The following DCDC1 variants were observed in gnomAD, a reference collection of about 807,000 sequenced individuals.
The protein encoded by DCDC1 is doublecortin domain-containing protein 1.
DCDC1 carries 200 observed loss-of-function variants against 178.3 expected under a neutral mutation model. The ratio of observed to expected loss-of-function variants is 1.12; its 90% CI spans 1.00 to 1.26. The LOEUF is 1.26. DCDC1 is among the 50% of genes most tolerant of loss of function. The pLI is 0.00. For synonymous variants in DCDC1, 690 were observed against 604.8 expected, an observed-to-expected ratio of 1.14 and a Z score of -2.07; for missense variants, 1,983 against 1,749.2, an observed-to-expected ratio of 1.13 and a Z score of -2.38.
At chr11:30,908,837 C>T (rs1017131447) in intron 29 of DCDC1, 109 bp downstream of exon 29, 122 of 916,194 alleles carry the variant, frequency 1.3e-4, no homozygotes, top group Non-Finnish European at 1.7e-4. Context: ...AATCAGCATT[C>T]AACTTGTATG....
chr11:31,263,452 T>C (rs902219005), intron 8 of DCDC1, among the ~76,000 whole-genome samples: 1 of 152,126 alleles, frequency 6.6e-6, no homozygotes, highest in African/African-American at 2.4e-5. Flanking sequence ...TACAGGTAAA[T>C]AACCTTACCT....
intron 11 of DCDC1, among the ~76,000 whole-genome samples, chr11:31,112,059 A>AT (rs1478213977): frequency 6.6e-6 from 1 of 152,038 alleles, no homozygotes; most frequent in Non-Finnish European, 1.5e-5. Context: ...CTACAAGGGC[A>AT]TAAAAAAAAG....
At chr11:31,144,564 C>T (rs955116316) in intron 9 of DCDC1, among the ~76,000 whole-genome samples, 1 of 152,190 alleles carries the variant, frequency 6.6e-6, no homozygotes, top group African/African-American at 2.4e-5. Flanking sequence ...GTCCTTAAAT[C>T]CACTAATCTT....
chr11:30,954,242 C>T (rs894183156), intron 20 of DCDC1, among the ~76,000 whole-genome samples: 4 of 151,938 alleles, frequency 2.6e-5, no homozygotes, highest in Non-Finnish European at 5.9e-5. Context: ...GTCTCGATCT[C>T]CTGACCTCGT....
At chr11:30,921,584 CAA>C (rs1946252311) in intron 24 of DCDC1, among the ~76,000 whole-genome samples, 1 of 152,158 alleles carries the variant, frequency 6.6e-6, no homozygotes, top group East Asian at 1.9e-4. Flanking sequence ...CTTACTGTAT[CAA>C]GAGTTTAACT....
intron 35 of DCDC1, 121 bp from the exon 36 acceptor site, chr11:30,893,118 A>T: frequency 8.8e-7 from 1 of 1,133,132 alleles, no homozygotes; most frequent in Non-Finnish European, 1.2e-6. Flanking sequence ...AAATTTTAGG[A>T]AGTAACTATT....
chr11:31,153,509 G>A (rs931948660), intron 9 of DCDC1, among the ~76,000 whole-genome samples: 1 of 152,054 alleles, frequency 6.6e-6, no homozygotes, highest in Non-Finnish European at 1.5e-5. Context: ...CTGGCCAGTC[G>A]CAGTGGCTCA....
intron 1 of DCDC1, among the ~76,000 whole-genome samples, chr11:31,352,305 C>T (rs920370081): frequency 9.9e-5 from 15 of 151,964 alleles, no homozygotes; most frequent in Non-Finnish European, 1.8e-4. Context: ...TGTATATGCA[C>T]GATCCTATTT....
At chr11:31,198,067 T>C (rs1970888835) in intron 9 of DCDC1, among the ~76,000 whole-genome samples, 1 of 152,042 alleles carries the variant, frequency 6.6e-6, no homozygotes, top group Admixed American at 6.6e-5. Flanking sequence ...CTTTTTGTCA[T>C]CATCATCATG....
At chr11:31,102,367 C>T in intron 14 of DCDC1, 85 bp from the exon 15 acceptor site, 1 of 534,330 alleles carries the variant, frequency 1.9e-6, no homozygotes, top group Non-Finnish European at 3.4e-6. Flanking sequence ...TTATAATACT[C>T]TTTATGCTTT....
intron 9 of DCDC1, among the ~76,000 whole-genome samples, chr11:31,212,500 T>G (rs1374523692): frequency 6.6e-6 from 1 of 152,052 alleles, no homozygotes; most frequent in Non-Finnish European, 1.5e-5. Flanking sequence ...AAGATGAACA[T>G]AGCTAACTGG....
chr11:30,897,775 A>G (rs1384834021), intron 34 of DCDC1, among the ~76,000 whole-genome samples: 3 of 152,138 alleles, frequency 2.0e-5, no homozygotes, highest in Admixed American at 6.6e-5. Flanking sequence ...CAGTCATTCT[A>G]CAACTATTCA....
intron 20 of DCDC1, among the ~76,000 whole-genome samples, chr11:31,035,853 C>T (rs1317322808): frequency 2.0e-5 from 3 of 152,166 alleles, no homozygotes; most frequent in South Asian, 2.1e-4. Context: ...TGGAATTCTC[C>T]TGTAAGAAAG....
At chr11:31,183,407 G>T (rs1038093821) in intron 9 of DCDC1, among the ~76,000 whole-genome samples, 1 of 152,162 alleles carries the variant, frequency 6.6e-6, no homozygotes. Flanking sequence ...TCAGACCACA[G>T]CACAATCAAA....
chr11:31,328,822 A>AG (rs1949791730), intron 2 of DCDC1, among the ~76,000 whole-genome samples: 1 of 151,674 alleles, frequency 6.6e-6, no homozygotes, highest in East Asian at 1.9e-4. Flanking sequence ...AAAAAAAAAA[A>AG]AAAAAGGATT....
chr11:31,308,710 A>G (rs185337828), intron 3 of DCDC1, among the ~76,000 whole-genome samples: 1 of 152,360 alleles, frequency 6.6e-6, no homozygotes, highest in East Asian at 1.9e-4. Context: ...TAATCTATAT[A>G]GACACCAAGT....
intron 10 of DCDC1, among the ~76,000 whole-genome samples, chr11:31,135,384 A>G (rs1335289326): frequency 1.3e-5 from 2 of 152,216 alleles, no homozygotes; most frequent in African/African-American, 4.8e-5. Context: ...TCAACAGTCT[A>G]ACTTCCTCAT....
chr11:31,090,397 C>T (rs1957749378), intron 17 of DCDC1, among the ~76,000 whole-genome samples: 2 of 152,260 alleles, frequency 1.3e-5, no homozygotes, highest in African/African-American at 4.8e-5. Context: ...CCTGCCAAAC[C>T]ACTTAGTAGG....
intron 20 of DCDC1, among the ~76,000 whole-genome samples, chr11:31,014,642 T>A (rs1030998959): frequency 1.3e-5 from 2 of 152,210 alleles, no homozygotes; most frequent in Admixed American, 1.3e-4. Context: ...AGCCTGCTGC[T>A]AACTTTTTCT....
Sources: gnomAD v4.1 joint callset for allele counts (sites outside exome capture counted in the v4.1 genomes callset) on GRCh38, gnomAD v4.1.1 for gene constraint, MANE v1.5 for transcripts, NCBI Gene and HGNC (gene_info 2026-07-23, HGNC 2026-07-21) for gene names.